The following ACADL variants were observed in gnomAD, a reference collection of about 807,000 sequenced individuals.
ACADL encodes acyl-CoA dehydrogenase long chain.
A neutral mutation model predicts 56.9 loss-of-function variants in ACADL; 60 were observed. The observed-to-expected ratio is 1.05, with a 90% confidence interval of 0.86 to 1.31. The LOEUF is 1.31. Among genes scored for constraint, ACADL ranks in the 50% most tolerant of loss-of-function variants. The pLI is 0.00. For missense variants in ACADL, 484 were observed against 525.5 expected (o/e 0.92, Z 0.77); for synonymous variants, 158 against 179.7 (o/e 0.88, Z 0.97).
chr2:210,198,605 C>A (rs770279316), intron 8 of ACADL, among the ~76,000 whole-genome samples: 2 of 152,066 alleles, frequency 1.3e-5, no homozygotes, highest in Non-Finnish European at 2.9e-5. Context: ...CTTTGCACTT[C>A]TGGGCAGTAA....
chr2:210,206,190 C>T (rs1038996732), intron 5 of ACADL, among the ~76,000 whole-genome samples: 4 of 152,108 alleles, frequency 2.6e-5, no homozygotes, highest in African/African-American at 9.7e-5. Context: ...GTAACCCCAG[C>T]ACTTTGGGAG....
intron 8 of ACADL, among the ~76,000 whole-genome samples, chr2:210,198,061 G>C (rs1688737363): frequency 6.6e-6 from 1 of 152,152 alleles, no homozygotes; most frequent in Non-Finnish European, 1.5e-5. Context: ...CACATTACTA[G>C]TCAAGTGCTC....
chr2:210,224,437 C>T (rs945989341), intron 1 of ACADL: 42 of 985,090 alleles, frequency 4.3e-5, no homozygotes, highest in Middle Eastern at 5.2e-4. Flanking sequence ...GTTCCTTCAC[C>T]CTTATTAAAT....
chr2:210,218,552 G>A (rs1012548801), intron 2 of ACADL: 6 of 174,580 alleles, frequency 3.4e-5, no homozygotes, highest in East Asian at 1.6e-4. Flanking sequence ...CTCCCAAAGC[G>A]CTAGGATTAC....
intron 4 of ACADL, among the ~76,000 whole-genome samples, chr2:210,214,509 A>AAGAAAGAAAGAAAGAAAGAG (rs1553690970): frequency 0.016 from 294 of 18,928 alleles, 1 homozygote; most frequent in Middle Eastern, 0.077. Flanking sequence ...GAAAGAAAGA[A>AAGAAAGAAAGAAAGAAAGAG]AAAGAAAGAA....
At chr2:210,215,089 C>A (rs1364658060) in intron 4 of ACADL, among the ~76,000 whole-genome samples, 1 of 152,176 alleles carries the variant, frequency 6.6e-6, no homozygotes, top group African/African-American at 2.4e-5. Context: ...ACTTACACTT[C>A]TTTGGCATCT....
rs556492858 is a variant in ACADL, at chr2:210,193,285, A to AT, written c.1113-396dup. ...AGTTCTTTTTGCCCTTGTAATATGC[A>AT]TTTTTTCTCCAATGATGTCACTTTC... On this transcript the variant is annotated intron_variant, in intron 9 of 10. Transcript: ENST00000233710. Among the ~76,000 whole-genome samples, 57 of 152,198 alleles carry AT rather than the reference A, an allele frequency of 3.7e-4. No individual in the cohort carries two copies. The South Asian group carries it at 0.011, about 28-fold the overall frequency.
intron 8 of ACADL, among the ~76,000 whole-genome samples, chr2:210,199,779 A>G (rs1301256925): frequency 1.3e-5 from 2 of 152,042 alleles, no homozygotes; most frequent in African/African-American, 2.4e-5. Context: ...GGGTCTTGCT[A>G]TGTCACTCAG....
At chr2:210,193,341 A>G (rs1352660952) in intron 9 of ACADL, among the ~76,000 whole-genome samples, 1 of 152,208 alleles carries the variant, frequency 6.6e-6, no homozygotes, top group Non-Finnish European at 1.5e-5. Context: ...GAATTTCAGT[A>G]TAAAAAAGCA....
intron 1 of ACADL, among the ~76,000 whole-genome samples, chr2:210,223,766 A>G (rs945873495): frequency 6.6e-6 from 1 of 152,230 alleles, no homozygotes; most frequent in African/African-American, 2.4e-5. Flanking sequence ...CTGTTTAGGA[A>G]AAGTTATTTT....
At chr2:210,223,042 A>C (rs1689203288) in intron 1 of ACADL, among the ~76,000 whole-genome samples, 1 of 152,240 alleles carries the variant, frequency 6.6e-6, no homozygotes, top group Admixed American at 6.5e-5. Context: ...CCAGAATTTA[A>C]AATCGAGTCT....
At chr2:210,220,941 CTGGGTTCAAATT>C (rs1262488002) in intron 1 of ACADL, 139 bp from the exon 2 acceptor site, 9 of 715,178 alleles carry the variant, frequency 1.3e-5, no homozygotes, top group Non-Finnish European at 1.8e-5. Flanking sequence ...TATGACAAAG[CTGGGTTCAAATT>C]TGGGCGCCAC....
intron 5 of ACADL, among the ~76,000 whole-genome samples, chr2:210,208,483 C>T (rs1317097519): frequency 6.6e-6 from 1 of 152,128 alleles, no homozygotes; most frequent in Non-Finnish European, 1.5e-5. Context: ...CTAATTATGA[C>T]ACTCCAAAGT....
intron 6 of ACADL, among the ~76,000 whole-genome samples, chr2:210,205,098 C>G (rs916170690): frequency 6.6e-6 from 1 of 152,056 alleles, no homozygotes; most frequent in Non-Finnish European, 1.5e-5. Context: ...GTGATCTTGG[C>G]TCACTGCAAC....
intron 10 of ACADL, among the ~76,000 whole-genome samples, chr2:210,191,226 T>G (rs879784823): frequency 6.6e-6 from 1 of 152,210 alleles, no homozygotes; most frequent in Non-Finnish European, 1.5e-5. Context: ...GTGGCTTTTT[T>G]GATATTAGGC....
Position 210,204,581 on chromosome 2 carries a change from C to G in ACADL, c.870G>C (p.Gln290His), listed in dbSNP as rs768353223. 1 of 1,587,894 alleles carries G rather than the reference C, an allele frequency of 6.3e-7. No homozygotes were observed. Among genetic ancestry groups the G allele is most frequent in the Non-Finnish European group, 8.6e-7 (1 of 1,156,646 alleles). Residue 290 changes from glutamine to histidine, a missense_variant and splice_region_variant, in exon 7 of 11, where the codon CAG becomes CAC. Transcript: ENST00000233710. Reference protein sequence around the residue: ...GFYYIMKELPQERLLIADVAI... With the variant: ...GFYYIMKELPHERLLIADVAI... Reference sequence around the variant, plus strand: ...GATGGAATCTTTAAACACTTCTGACCTGTGGAAGCTCTTTCATGATGTAAT... The same window carrying G: ...GATGGAATCTTTAAACACTTCTGACGTGTGGAAGCTCTTTCATGATGTAAT...
rs781181180 is a variant in ACADL at position 210,204,654 on chromosome 2, A to G, written c.797T>C (p.Ile266Thr). 1.6e-5 allele frequency: 26 copies of G among 1,612,266 alleles called. No individual in the cohort carries two copies. The highest frequency in any genetic ancestry group is 4.0e-5 in the African/African-American group (3 of 74,886). Reference protein sequence around the residue: ...QDTAELFFEDIRLPASALLGE... With the variant: ...QDTAELFFEDTRLPASALLGE... Reference sequence around the variant, plus strand: ...AAGTAGGGCACTAGCTGGCAACCGTATATCTTCAAAGAATAGTTCTGCGGT... The same window carrying G: ...AAGTAGGGCACTAGCTGGCAACCGTGTATCTTCAAAGAATAGTTCTGCGGT... The change falls in exon 7 of 11, where the codon ATA (isoleucine) becomes ACA (threonine). Residue 266 changes from isoleucine (I) to threonine (T), a missense_variant. Ile to Thr is a moderately conservative substitution (Grantham distance 89). Coordinates refer to ENST00000233710, the MANE Select transcript of ACADL (RefSeq NM_001608.4).
intron 8 of ACADL, among the ~76,000 whole-genome samples, chr2:210,196,307 A>C (rs1190429715): frequency 6.6e-6 from 1 of 150,850 alleles, no homozygotes; most frequent in Non-Finnish European, 1.5e-5. Flanking sequence ...GTATTTCTTC[A>C]TAGCAGTATG....
At position 210,203,395 on chromosome 2, in the gene ACADL, A is replaced by C. The variant is rs767950958; in HGVS notation, c.920T>G (p.Phe307Cys). ...TTTAACATAGTTCCTGGTTTCTTCA[A>C]ACATGAATTCACTAGCTGAAATTGC... ...DVAISASEFM[F>C]EETRNYVKQR... Residue 307 changes from phenylalanine (F) to cysteine (C), a missense_variant, in exon 8 of 11, where the codon TTT (phenylalanine) becomes TGT (cysteine). Physicochemically the swap from Phe to Cys is radical, Grantham distance 205. Transcript: ENST00000233710. 6.2e-7 allele frequency: 1 copy of C among 1,613,596 alleles called. No homozygotes were observed. The highest frequency in any genetic ancestry group is 1.7e-5 in the Admixed American group (1 of 59,942).
Sources: gnomAD v4.1 joint callset for allele counts (sites outside exome capture counted in the v4.1 genomes callset) on GRCh38, gnomAD v4.1.1 for gene constraint, MANE v1.5 for transcripts, NCBI Gene and HGNC (gene_info 2026-07-23, HGNC 2026-07-21) for gene names.